The following ACTL10 variants were observed in gnomAD, a reference collection of about 807,000 sequenced individuals.
ACTL10 encodes actin-like protein 10.
For synonymous variants in ACTL10, 180 were observed against 169.9 expected (o/e 1.06, Z -0.46); for missense variants, 413 against 359.4 (o/e 1.15, Z -1.21).
rs2017693114 is a variant in ACTL10 at position 33,667,444 on chromosome 20, C to T, written c.-54C>T. 1.4e-6 allele frequency: 2 copies of T among 1,414,798 alleles called. No homozygotes were observed. Among genetic ancestry groups the T allele is most frequent in the East Asian group, 2.7e-5 (1 of 36,626 alleles). The allele number at this position is 1,414,798 out of a possible 1,614,324, so 87.6% of individuals were successfully genotyped here. A position where few individuals can be genotyped will look rare whatever the true frequency, so the allele number is the denominator to read the frequency against. The stretch of plus-strand genomic sequence containing the variant: ...CTCGCCGTTGGCGCCGCCCGCGGGC[C>T]GCGAAAGGGTGGCGGAGCTGCTGTT... On this transcript the variant is annotated 5_prime_UTR_variant, in exon 1 of 1. Transcript: ENST00000677665.
chr20:33,667,767 C>T lies in ACTL10; in HGVS notation c.270C>T (p.Asp90=). The change falls in exon 1 of 1, where the codon GAC becomes GAT. Residue 90 remains aspartate, a synonymous_variant. Transcript: ENST00000677665. ...LKKRSCYVSL[D]FEGDLRDPAR... Reference sequence around the variant, plus strand: ...AGCGCAGCTGCTACGTGTCCCTGGACTTCGAGGGCGACCTCCGCGACCCCG... The same window carrying T: ...AGCGCAGCTGCTACGTGTCCCTGGATTTCGAGGGCGACCTCCGCGACCCCG... 1 of 1,612,590 alleles carries T rather than the reference C, an allele frequency of 6.2e-7. No individual in the cohort carries two copies. Among genetic ancestry groups the T allele is most frequent in the South Asian group, 1.1e-5 (1 of 91,076 alleles).
chr20:33,667,318 G>A lies in ACTL10; in HGVS notation c.-180G>A, dbSNP rs111960244. 6 of 780,716 alleles carry A rather than the reference G, an allele frequency of 7.7e-6. No individual in the cohort carries two copies. The highest frequency in any genetic ancestry group is 1.8e-6 in the Non-Finnish European group (1 of 562,140). 48.4% of individuals were successfully genotyped at this position (780,716 alleles called of 1,614,324 possible). ...GGCGCGGGCGCACCCCATCAAGCAC[G>A]GCGTGGTGGCGGACTGGGAGGCGCT... On this transcript the variant is annotated 5_prime_UTR_variant, in exon 1 of 1. Transcript: ENST00000677665.
Position 33,668,282 on chromosome 20 carries a change from C to G in ACTL10, c.*47C>G, listed in dbSNP as rs757080293. 2.0e-6 allele frequency: 3 copies of G among 1,535,334 alleles called. No individual in the cohort carries two copies. Among genetic ancestry groups the G allele is most frequent in the Non-Finnish European group, 1.8e-6 (2 of 1,139,666 alleles). On this transcript the variant is annotated 3_prime_UTR_variant, in exon 1 of 1. Transcript: ENST00000677665. Reference sequence around the variant, plus strand: ...TGGCACTGCGTTGGGGGACAGCTCTCTATCTAAAGAGTCAAGTGTTTGGAG... The same window carrying G: ...TGGCACTGCGTTGGGGGACAGCTCTGTATCTAAAGAGTCAAGTGTTTGGAG...
Position 33,667,897 on chromosome 20 carries a change from G to A in ACTL10, c.400G>A (p.Gly134Ser), listed in dbSNP as rs754325050. Residue 134 changes from glycine to serine, a missense_variant, in exon 1 of 1, where the codon GGC becomes AGC. Gly to Ser is a moderately conservative substitution (Grantham distance 56). Coordinates refer to ENST00000677665, the MANE Select transcript of ACTL10 (RefSeq NM_001024675.2). The part of the protein sequence containing the change: ...PEPIFQPGLL[G>S]QAEQGLPALA... ...ACCCATCTTCCAGCCGGGCCTGCTG[G>A]GCCAGGCTGAGCAGGGGCTGCCCGC... 1.8e-5 allele frequency: 29 copies of A among 1,584,204 alleles called. No homozygotes were observed. Among genetic ancestry groups the A allele is most frequent in the Non-Finnish European group, 2.4e-5 (28 of 1,165,846 alleles).
Position 33,667,276 on chromosome 20 carries a change from G to A in ACTL10, c.-222G>A, listed in dbSNP as rs543324516. ...GGTGCTGCCCGGAGCGCCGGGCTGCGAGCTGGCGGGCGGCGTGGCGCGGGC... is the reference window on the plus strand; with the variant it reads ...GGTGCTGCCCGGAGCGCCGGGCTGCAAGCTGGCGGGCGGCGTGGCGCGGGC... On this transcript the variant is annotated 5_prime_UTR_variant, in exon 1 of 1. Coordinates refer to ENST00000677665, the MANE Select transcript of ACTL10 (RefSeq NM_001024675.2). The A allele has an allele frequency of 7.0e-5, 34 of 487,158 alleles. No individual in the cohort carries two copies. The highest frequency in any genetic ancestry group is 1.3e-4 in the Admixed American group (3 of 22,252). 30.2% of individuals were successfully genotyped at this position (487,158 alleles called of 1,614,324 possible).
In ACTL10 at chr20:33,667,470, C is replaced by A; in HGVS notation, c.-28C>A. 1 of 1,451,370 alleles carries A rather than the reference C, an allele frequency of 6.9e-7. No homozygotes were observed. Among genetic ancestry groups the A allele is most frequent in the Non-Finnish European group, 9.0e-7 (1 of 1,108,038 alleles). 89.9% of individuals were successfully genotyped at this position (1,451,370 alleles called of 1,614,324 possible). ...GCGAAAGGGTGGCGGAGCTGCTGTT[C>A]GAGACCCTGGCAGTGCCCGCGTGCC... is the stretch of plus-strand genomic sequence containing the variant. On this transcript the variant is annotated 5_prime_UTR_variant, in exon 1 of 1. Coordinates refer to ENST00000677665, the MANE Select transcript of ACTL10 (RefSeq NM_001024675.2).
Position 33,668,117 on chromosome 20 carries a change from T to C in ACTL10, c.620T>C (p.Met207Thr), listed in dbSNP as rs774636319. The change falls in exon 1 of 1, where the codon ATG becomes ACG. Residue 207 changes from methionine to threonine, a missense_variant. Met to Thr is a moderately conservative substitution (Grantham distance 81). Coordinates refer to ENST00000677665, the MANE Select transcript of ACTL10 (RefSeq NM_001024675.2). ...PHLVAKHGRG[M>T]AVWTGGSMVA... ...CTGGTGGCCAAGCATGGGCGTGGCA[T>C]GGCTGTGTGGACCGGCGGCTCCATG... The C allele has an allele frequency of 3.1e-6, 5 of 1,610,520 alleles. No individual in the cohort carries two copies. The highest frequency in any genetic ancestry group is 1.3e-5 in the African/African-American group (1 of 74,876).
chr20:33,668,068 G>C lies in ACTL10; in HGVS notation c.571G>C (p.Gly191Arg), dbSNP rs755002329. Reference sequence around the variant, plus strand: ...GCTGGAGGCGCAGTGCCGGCGGCACGGCTACGCGGCCCTGCGGCCCCACCT... The same window carrying C: ...GCTGGAGGCGCAGTGCCGGCGGCACCGCTACGCGGCCCTGCGGCCCCACCT... ...KELEAQCRRHGYAALRPHLVA... is the reference protein window; with the variant it reads ...KELEAQCRRHRYAALRPHLVA... The change falls in exon 1 of 1, where the codon GGC (glycine) becomes CGC (arginine). Residue 191 changes from glycine (G) to arginine (R), a missense_variant. Gly to Arg is a moderately radical substitution (Grantham distance 125, BLOSUM62 -2). Transcript: ENST00000677665. The C allele has an allele frequency of 1.9e-6, 3 of 1,575,610 alleles. No homozygotes were observed. The highest frequency in any genetic ancestry group is 2.6e-6 in the Non-Finnish European group (3 of 1,161,422).
rs1216237282 is a variant in ACTL10, at chr20:33,668,025, C to A, written c.528C>A (p.Ala176=). The A allele has an allele frequency of 8.4e-6, 13 of 1,543,650 alleles. No homozygotes were observed. In the East Asian group the frequency reaches 2.7e-4, roughly 32 times the overall value. ...AGGSTLFPGF[A]ERLDKELEAQ... ...GCTCCACACTGTTTCCTGGCTTCGC[C>A]GAGCGCCTGGACAAGGAGCTGGAGG... is the stretch of plus-strand genomic sequence containing the variant. Residue 176 remains alanine (A), a synonymous_variant, in exon 1 of 1, where the codon GCC becomes GCA. Transcript: ENST00000677665.
At position 33,667,922 on chromosome 20, in the gene ACTL10, C is replaced by G. The variant is rs753115770; in HGVS notation, c.425C>G (p.Ala142Gly). ...LLGQAEQGLP[A>G]LAFRALQKMP... ...GGCCAGGCTGAGCAGGGGCTGCCCGCGCTGGCCTTCCGGGCGCTGCAGAAG... is the reference window on the plus strand; with the variant it reads ...GGCCAGGCTGAGCAGGGGCTGCCCGGGCTGGCCTTCCGGGCGCTGCAGAAG... The change falls in exon 1 of 1, where the codon GCG (alanine) becomes GGG (glycine). Residue 142 changes from alanine (A) to glycine (G), a missense_variant. Coordinates refer to ENST00000677665, the MANE Select transcript of ACTL10 (RefSeq NM_001024675.2). The G allele has an allele frequency of 6.4e-7, 1 of 1,564,608 alleles. No homozygotes were observed. Among genetic ancestry groups the G allele is most frequent in the South Asian group, 1.2e-5 (1 of 86,202 alleles).
At position 33,668,298 on chromosome 20, in the gene ACTL10, G is replaced by T; in HGVS notation, c.*63G>T. 6.6e-7 allele frequency: 1 copy of T among 1,525,448 alleles called. No homozygotes were observed. The highest frequency in any genetic ancestry group is 8.8e-7 in the Non-Finnish European group (1 of 1,134,464). The allele number at this position is 1,525,448 out of a possible 1,614,324, so 94.5% of individuals were successfully genotyped here. A position where few individuals can be genotyped will look rare whatever the true frequency, so the allele number is the denominator to read the frequency against. On this transcript the variant is annotated 3_prime_UTR_variant, in exon 1 of 1. Transcript: ENST00000677665. ...GACAGCTCTCTATCTAAAGAGTCAA[G>T]TGTTTGGAGCTGGCAGGGTCCTCCT...
At position 33,667,283 on chromosome 20, in the gene ACTL10, C is replaced by A; in HGVS notation, c.-215C>A. 1.9e-6 allele frequency: 1 copy of A among 519,140 alleles called. No homozygotes were observed. The highest frequency in any genetic ancestry group is 3.0e-6 in the Non-Finnish European group (1 of 330,904). The allele number at this position is 519,140 out of a possible 1,614,324, so 32.2% of individuals were successfully genotyped here. A position where few individuals can be genotyped will look rare whatever the true frequency, so the allele number is the denominator to read the frequency against. On this transcript the variant is annotated 5_prime_UTR_variant, in exon 1 of 1. Transcript: ENST00000677665. ...CCCGGAGCGCCGGGCTGCGAGCTGG[C>A]GGGCGGCGTGGCGCGGGCGCACCCC... is the stretch of plus-strand genomic sequence containing the variant.
chr20:33,668,045 T>TGGAGGCGCAGTGCC lies in ACTL10; in HGVS notation c.551_564dup (p.His190ArgfsTer43). On this transcript the variant is annotated frameshift_variant, in exon 1 of 1. Transcript: ENST00000677665. LOFTEE classifies it low-confidence loss of function (END_TRUNC). Reference sequence around the variant, plus strand: ...TTCGCCGAGCGCCTGGACAAGGAGCTGGAGGCGCAGTGCCGGCGGCACGGC... The same window carrying TGGAGGCGCAGTGCC: ...TTCGCCGAGCGCCTGGACAAGGAGCTGGAGGCGCAGTGCCGGAGGCGCAGTGCCGGCGGCACGGC... 6.4e-7 allele frequency: 1 copy of TGGAGGCGCAGTGCC among 1,555,922 alleles called. No individual in the cohort carries two copies. The highest frequency in any genetic ancestry group is 8.7e-7 in the Non-Finnish European group (1 of 1,150,210).
chr20:33,667,492 T>C lies in ACTL10; in HGVS notation c.-6T>C, dbSNP rs1036030516. 1.4e-6 allele frequency: 2 copies of C among 1,480,910 alleles called. No individual in the cohort carries two copies. Among genetic ancestry groups the C allele is most frequent in the African/African-American group, 2.8e-5 (2 of 70,696 alleles). The allele number at this position is 1,480,910 out of a possible 1,614,324, so 91.7% of individuals were successfully genotyped here. ...GTTCGAGACCCTGGCAGTGCCCGCG[T>C]GCCACATGGCTAGCACCGCGTTGCT... On this transcript the variant is annotated 5_prime_UTR_variant, in exon 1 of 1. Coordinates refer to ENST00000677665, the MANE Select transcript of ACTL10 (RefSeq NM_001024675.2).
At position 33,668,413 on chromosome 20, in the gene ACTL10, T is replaced by G; in HGVS notation, c.*178T>G. ...GACCCATGGGACCCTCATTTTGAACTGCAGTTTGAATCTCCCCAACCACTG... is the reference window on the plus strand; with the variant it reads ...GACCCATGGGACCCTCATTTTGAACGGCAGTTTGAATCTCCCCAACCACTG... On this transcript the variant is annotated 3_prime_UTR_variant, in exon 1 of 1. Transcript: ENST00000677665. 1.2e-6 allele frequency: 1 copy of G among 847,678 alleles called. No homozygotes were observed. 52.5% of individuals were successfully genotyped at this position (847,678 alleles called of 1,614,324 possible).
Position 33,667,571 on chromosome 20 carries a change from G to A in ACTL10, c.74G>A (p.Gly25Asp), listed in dbSNP as rs1415282669. Residue 25 changes from glycine to aspartate, a missense_variant, in exon 1 of 1, where the codon GGC becomes GAC. Physicochemically the swap from Gly to Asp is moderately conservative, Grantham distance 94. Coordinates refer to ENST00000677665, the MANE Select transcript of ACTL10 (RefSeq NM_001024675.2). The part of the protein sequence containing the change: ...FSGLAVEAGA[G>D]VCHATPIYAG... ...GGGCTGGCCGTGGAGGCGGGCGCGG[G>A]CGTGTGCCACGCCACGCCCATCTAC... is the stretch of plus-strand genomic sequence containing the variant. 1.2e-5 allele frequency: 19 copies of A among 1,559,414 alleles called. No homozygotes were observed. The highest frequency in any genetic ancestry group is 1.6e-5 in the Non-Finnish European group (18 of 1,155,122).
In ACTL10 at chr20:33,667,636, GTGGCAGGCAGCACCC is replaced by G; in HGVS notation, c.142_156del (p.Ala48_Leu52del). Reference sequence around the variant, plus strand: ...GCACCAGGCCACCTTCCGACTGAACGTGGCAGGCAGCACCCTGTCGCGCTACCTGCGGGATCTGCT... The same window carrying G: ...GCACCAGGCCACCTTCCGACTGAACGTGTCGCGCTACCTGCGGGATCTGCT... On this transcript the variant is annotated inframe_deletion, in exon 1 of 1. Coordinates refer to ENST00000677665, the MANE Select transcript of ACTL10 (RefSeq NM_001024675.2). 6.2e-7 allele frequency: 1 copy of G among 1,605,976 alleles called. No homozygotes were observed. The highest frequency in any genetic ancestry group is 8.5e-7 in the Non-Finnish European group (1 of 1,177,456).
Position 33,668,279 on chromosome 20 carries a change from T to C in ACTL10, c.*44T>C. 1 of 1,540,846 alleles carries C rather than the reference T, an allele frequency of 6.5e-7. No individual in the cohort carries two copies. Among genetic ancestry groups the C allele is most frequent in the Non-Finnish European group, 8.8e-7 (1 of 1,142,128 alleles). On this transcript the variant is annotated 3_prime_UTR_variant, in exon 1 of 1. Transcript: ENST00000677665. ...GGGTGGCACTGCGTTGGGGGACAGC[T>C]CTCTATCTAAAGAGTCAAGTGTTTG...
Position 33,668,395 on chromosome 20 carries a change from G to A in ACTL10, c.*160G>A. 1 of 1,022,442 alleles carries A rather than the reference G, an allele frequency of 9.8e-7. No homozygotes were observed. The highest frequency in any genetic ancestry group is 1.3e-6 in the Non-Finnish European group (1 of 744,362). The allele number at this position is 1,022,442 out of a possible 1,614,324, so 63.3% of individuals were successfully genotyped here. ...CCAGGAGAAGGTATTTGGGACCCATGGGACCCTCATTTTGAACTGCAGTTT... is the reference window on the plus strand; with the variant it reads ...CCAGGAGAAGGTATTTGGGACCCATAGGACCCTCATTTTGAACTGCAGTTT... On this transcript the variant is annotated 3_prime_UTR_variant, in exon 1 of 1. Coordinates refer to ENST00000677665, the MANE Select transcript of ACTL10 (RefSeq NM_001024675.2).
Sources: allele counts gnomAD v4.1 joint callset, GRCh38; gene constraint gnomAD v4.1.1; transcripts MANE v1.5; gene names NCBI Gene and HGNC (gene_info 2026-07-23, HGNC 2026-07-21).